The following EPHA5 variants were observed in gnomAD, a reference collection of about 807,000 sequenced individuals.
EPHA5 encodes the protein EPH receptor A5.
A neutral mutation model predicts 105.0 loss-of-function variants in EPHA5; 60 were observed. The ratio of observed to expected loss-of-function variants is 0.57; its 90% confidence interval spans 0.46 to 0.71. The LOEUF is 0.71. Among genes scored for constraint, EPHA5 ranks in the 30% least tolerant of loss-of-function variants. The pLI is 0.00. For synonymous variants in EPHA5, 513 were observed against 449.1 expected, an observed-to-expected ratio of 1.14 and a Z score of -1.80; for missense variants, 1,218 against 1,274.7, an observed-to-expected ratio of 0.96 and a Z score of 0.68.
rs1422630970 is a variant in EPHA5, at chr4:65,353,240, TA to T, written c.2174-138del. On this transcript the variant is annotated intron_variant, in intron 11 of 16. Transcript: ENST00000613740. Reference sequence around the variant, plus strand: ...ATTTAAAATATTTAAATAAAAATATTAAAAAATAAAATTTATTAAATGAAAG... The same window carrying T: ...ATTTAAAATATTTAAATAAAAATATTAAAAATAAAATTTATTAAATGAAAG... 1.3e-3 allele frequency: 197 copies of T among 151,606 alleles called. 1 individual carries two copies. The highest frequency in any genetic ancestry group is 5.7e-3 in the South Asian group (16 of 2,794). 9.4% of individuals were successfully genotyped at this position (151,606 alleles called of 1,614,324 possible).
At chr4:65,506,862 A>C (rs1172000936) in intron 3 of EPHA5, among the ~76,000 whole-genome samples, 1 of 152,032 alleles carries the variant, frequency 6.6e-6, no homozygotes, top group Non-Finnish European at 1.5e-5. Context: ...TCTTTAGTTT[A>C]ATTAGATCCC....
At chr4:65,649,784 C>A (rs1405925161) in intron 1 of EPHA5, among the ~76,000 whole-genome samples, 2 of 152,164 alleles carry the variant, frequency 1.3e-5, no homozygotes, top group African/African-American at 2.4e-5. Flanking sequence ...TTTGCCTTAT[C>A]TTTTGGCAGC....
chr4:65,482,411 TA>T (rs527519204), intron 5 of EPHA5, among the ~76,000 whole-genome samples: 6 of 152,226 alleles, frequency 3.9e-5, no homozygotes, highest in African/African-American at 1.2e-4. Flanking sequence ...ATGCTATCTT[TA>T]AAAAAACTCT....
At chr4:65,427,145 TGTATAA>T (rs1724515297) in intron 5 of EPHA5, among the ~76,000 whole-genome samples, 2 of 151,670 alleles carry the variant, frequency 1.3e-5, no homozygotes, top group South Asian at 2.1e-4. Flanking sequence ...GACAATTATA[TGTATAA>T]GTATGTTTAG....
intron 5 of EPHA5, among the ~76,000 whole-genome samples, chr4:65,442,484 G>A (rs977315011): frequency 1.3e-5 from 2 of 152,010 alleles, no homozygotes; most frequent in African/African-American, 4.8e-5. Context: ...CTATGGCATC[G>A]CTAGCTGATT....
chr4:65,554,502 A>G (rs1040169916), intron 3 of EPHA5, among the ~76,000 whole-genome samples: 8 of 151,250 alleles, frequency 5.3e-5, no homozygotes, highest in African/African-American at 1.9e-4. Flanking sequence ...GTAATTGACT[A>G]AAATCTGATA....
intron 4 of EPHA5, among the ~76,000 whole-genome samples, chr4:65,491,933 C>T (rs1731441061): frequency 6.6e-6 from 1 of 151,980 alleles, no homozygotes; most frequent in Non-Finnish European, 1.5e-5. Context: ...ATTGGATAAT[C>T]TCAAAGAAAA....
chr4:65,412,018 C>G (rs1413712308), intron 7 of EPHA5, among the ~76,000 whole-genome samples: 1 of 152,130 alleles, frequency 6.6e-6, no homozygotes, highest in South Asian at 2.1e-4. Flanking sequence ...CACCTAGGGT[C>G]GGGAGTTTGA....
At chr4:65,337,554 A>G (rs905303891) in intron 14 of EPHA5, among the ~76,000 whole-genome samples, 1 of 152,134 alleles carries the variant, frequency 6.6e-6, no homozygotes, top group African/African-American at 2.4e-5. Flanking sequence ...GGTACTTTTA[A>G]AGTAGTTAAA....
In EPHA5 at chr4:65,373,009, A is replaced by G. The variant is rs115252616; in HGVS notation, c.1794-5585T>C. 1.9e-3 allele frequency among the ~76,000 whole-genome samples: 294 copies of G among 152,052 alleles called. 2 individuals carry two copies. The highest frequency in any genetic ancestry group is 6.9e-3 in the African/African-American group (287 of 41,552). Reference sequence around the variant, plus strand: ...TTCAATTGTAATTGACAGAATTTTGATATAACACTATCTTTAATAAAGTGT... The same window carrying G: ...TTCAATTGTAATTGACAGAATTTTGGTATAACACTATCTTTAATAAAGTGT... On this transcript the variant is annotated intron_variant, in intron 8 of 16. Transcript: ENST00000613740.
intron 3 of EPHA5, chr4:65,573,748 G>T: frequency 3.1e-6 from 5 of 1,608,748 alleles, no homozygotes; most frequent in Non-Finnish European, 4.2e-6. Context: ...AAACCAGTTG[G>T]TGGTGACAAG....
At chr4:65,644,681 CTAT>C (rs987380354) in intron 1 of EPHA5, among the ~76,000 whole-genome samples, 5 of 151,852 alleles carry the variant, frequency 3.3e-5, no homozygotes, top group Non-Finnish European at 5.9e-5. Flanking sequence ...GTACATTTAA[CTAT>C]TATTATGCAT....
intron 15 of EPHA5, among the ~76,000 whole-genome samples, chr4:65,335,572 G>A (rs193085880): frequency 6.6e-6 from 1 of 152,078 alleles, no homozygotes; most frequent in Admixed American, 6.6e-5. Flanking sequence ...ATGCATCAGT[G>A]CTTAATTGGC....
intron 7 of EPHA5, among the ~76,000 whole-genome samples, chr4:65,410,536 C>A (rs1275003300): frequency 6.6e-6 from 1 of 152,020 alleles, no homozygotes; most frequent in Admixed American, 6.6e-5. Flanking sequence ...TACAAGTGAC[C>A]AAATGGCGTA....
At chr4:65,584,590 G>C (rs1206085439) in intron 3 of EPHA5, among the ~76,000 whole-genome samples, 1 of 151,660 alleles carries the variant, frequency 6.6e-6, no homozygotes, top group Non-Finnish European at 1.5e-5. Context: ...GAACAAAAAT[G>C]GAATACCTAT....
At chr4:65,454,615 G>C (rs1352108006) in intron 5 of EPHA5, among the ~76,000 whole-genome samples, 1 of 152,148 alleles carries the variant, frequency 6.6e-6, no homozygotes, top group Non-Finnish European at 1.5e-5. Flanking sequence ...CTGACACTTA[G>C]AGTTTTTTGA....
At chr4:65,499,549 T>C (rs1204714224) in intron 3 of EPHA5, among the ~76,000 whole-genome samples, 1 of 151,630 alleles carries the variant, frequency 6.6e-6, no homozygotes, top group African/African-American at 2.4e-5. Flanking sequence ...ACTATTTTTG[T>C]TGAGATTGCA....
chr4:65,507,450 C>A (rs1267345036), intron 3 of EPHA5, among the ~76,000 whole-genome samples: 2 of 152,106 alleles, frequency 1.3e-5, no homozygotes, highest in African/African-American at 4.8e-5. Context: ...CTATAAATTA[C>A]CTTGGGCAGT....
At chr4:65,656,580 A>T (rs868751270) in intron 1 of EPHA5, among the ~76,000 whole-genome samples, 7 of 147,250 alleles carry the variant, frequency 4.8e-5, no homozygotes, top group Middle Eastern at 3.6e-3. Flanking sequence ...AGCATTTTAT[A>T]TATATATTAT....
Sources: allele counts gnomAD v4.1 joint callset (sites outside exome capture counted in the v4.1 genomes callset), GRCh38; gene constraint gnomAD v4.1.1; transcripts MANE v1.5; gene names NCBI Gene and HGNC (gene_info 2026-07-23, HGNC 2026-07-21).